The following ASIC2 variants were observed in gnomAD, a reference collection of about 807,000 sequenced individuals.
ASIC2 encodes acid-sensing ion channel 2.
A neutral mutation model predicts 57.3 loss-of-function variants in ASIC2; 25 were observed. The ratio of observed to expected loss-of-function variants is 0.44; its 90% CI spans 0.32 to 0.61. The LOEUF is 0.61. ASIC2 is among the 20% of genes least tolerant of loss of function. The pLI is 0.06. For missense variants in ASIC2, 641 were observed against 738.1 expected (o/e 0.87, Z 1.52); for synonymous variants, 319 against 307.5 (o/e 1.04, Z -0.39).
intron 1 of ASIC2, chr17:34,037,846 T>G (rs530998219): frequency 6.2e-7 from 1 of 1,614,054 alleles, no homozygotes; most frequent in East Asian, 2.2e-5. Flanking sequence ...CTTCAGTAGC[T>G]TTAAGAATCG....
chr17:33,540,185 T>C (rs927880154), intron 1 of ASIC2, among the ~76,000 whole-genome samples: 1 of 152,164 alleles, frequency 6.6e-6, no homozygotes, highest in Non-Finnish European at 1.5e-5. Flanking sequence ...CTCCAGGTGT[T>C]CCTTGGGTTG....
intron 1 of ASIC2, among the ~76,000 whole-genome samples, chr17:33,949,148 G>A (rs182022487): frequency 5.3e-5 from 8 of 152,176 alleles, no homozygotes; most frequent in African/African-American, 1.7e-4. Flanking sequence ...AAAAACAAGT[G>A]GTGGGTCAAA....
At chr17:34,023,557 G>T (rs988862863) in intron 1 of ASIC2, among the ~76,000 whole-genome samples, 6 of 152,112 alleles carry the variant, frequency 3.9e-5, no homozygotes, top group Non-Finnish European at 8.8e-5. Context: ...GTCCATGAGA[G>T]CCCCTCCCTC....
chr17:33,087,836 G>A (rs2092140807), intron 3 of ASIC2, among the ~76,000 whole-genome samples: 1 of 151,876 alleles, frequency 6.6e-6, no homozygotes, highest in Non-Finnish European at 1.5e-5. Flanking sequence ...TGGGATTACA[G>A]GCGTGAACCA....
At chr17:33,577,188 C>T in intron 1 of ASIC2, among the ~76,000 whole-genome samples, 1 of 152,152 alleles carries the variant, frequency 6.6e-6, no homozygotes, top group Non-Finnish European at 1.5e-5. Flanking sequence ...GATTTATACA[C>T]AGTATCCCAG....
chr17:33,180,932 C>T (rs1192522282), intron 1 of ASIC2, among the ~76,000 whole-genome samples: 5 of 152,124 alleles, frequency 3.3e-5, no homozygotes, highest in Non-Finnish European at 5.9e-5. Context: ...GGCAGAAGGG[C>T]CACGCGGCTG....
chr17:33,855,272 C>A (rs769376584), intron 1 of ASIC2, among the ~76,000 whole-genome samples: 4 of 152,174 alleles, frequency 2.6e-5, no homozygotes, highest in African/African-American at 9.7e-5. Context: ...GCTCTGCCCC[C>A]TCAACTGGGT....
chr17:33,879,986 A>T (rs1567744086), intron 1 of ASIC2, among the ~76,000 whole-genome samples: 1 of 152,210 alleles, frequency 6.6e-6, no homozygotes, highest in South Asian at 2.1e-4. Context: ...GAAACTGAAC[A>T]ACCTGCTCCT....
chr17:33,942,192 C>T (rs1236472637), intron 1 of ASIC2, among the ~76,000 whole-genome samples: 3 of 152,068 alleles, frequency 2.0e-5, no homozygotes, highest in Non-Finnish European at 4.4e-5. Context: ...TAAGCAATGC[C>T]TGAAAGCCCC....
At chr17:33,205,598 C>T (rs976426787) in intron 1 of ASIC2, among the ~76,000 whole-genome samples, 7 of 152,188 alleles carry the variant, frequency 4.6e-5, no homozygotes, top group Non-Finnish European at 1.0e-4. Flanking sequence ...CCTATAACAA[C>T]CTGAACATAC....
intron 1 of ASIC2, among the ~76,000 whole-genome samples, chr17:33,897,770 T>C (rs746238807): frequency 7.2e-5 from 11 of 152,314 alleles, no homozygotes; most frequent in Middle Eastern, 3.4e-3. Context: ...GTGGAGCCTA[T>C]GGGAGAGGGG....
chr17:33,265,777 C>T lies in ASIC2; in HGVS notation c.708+25631G>A, dbSNP rs192124481. On this transcript the variant is annotated intron_variant, in intron 1 of 9. Transcript: ENST00000225823. ...TCTCCCAGTCCTGGGCTTCCTTCTA[C>T]CCAGGGTATTTTTCACTAGATGGCC... is the stretch of plus-strand genomic sequence containing the variant. 2.0e-5 allele frequency among the ~76,000 whole-genome samples: 3 copies of T among 152,324 alleles called. No individual in the cohort carries two copies. In the East Asian group the frequency reaches 5.8e-4, roughly 29 times the overall value.
intron 1 of ASIC2, among the ~76,000 whole-genome samples, chr17:34,026,757 AT>A (rs1907393686): frequency 6.6e-6 from 1 of 152,180 alleles, no homozygotes; most frequent in Non-Finnish European, 1.5e-5. Context: ...CATTTTGCAG[AT>A]GAGAAAACTG....
chr17:33,733,102 CTTTAA>C (rs147880962), intron 1 of ASIC2, among the ~76,000 whole-genome samples: 2,542 of 152,210 alleles, frequency 0.017, 71 homozygotes, highest in African/African-American at 0.057. Flanking sequence ...TTTAAAAAAA[CTTTAA>C]TTTGTTTATT....
intron 1 of ASIC2, among the ~76,000 whole-genome samples, chr17:33,865,365 T>G (rs2141926917): frequency 6.6e-6 from 1 of 152,330 alleles, no homozygotes; most frequent in East Asian, 1.9e-4. Context: ...AGAAGCATCT[T>G]TTCTTTCTGT....
intron 1 of ASIC2, among the ~76,000 whole-genome samples, chr17:33,355,821 G>A (rs564960913): frequency 5.9e-5 from 9 of 152,136 alleles, no homozygotes; most frequent in Non-Finnish European, 1.3e-4. Flanking sequence ...TAGGCAATGG[G>A]GCTACAGCTG....
At chr17:33,623,110 A>G (rs545212795) in intron 1 of ASIC2, among the ~76,000 whole-genome samples, 2 of 152,250 alleles carry the variant, frequency 1.3e-5, no homozygotes, top group East Asian at 3.9e-4. Context: ...GATGAAGGCC[A>G]CCTAAGCTTA....
intron 1 of ASIC2, among the ~76,000 whole-genome samples, chr17:33,402,555 G>C (rs1318153028): frequency 4.6e-5 from 7 of 152,094 alleles, no homozygotes; most frequent in Non-Finnish European, 1.0e-4. Flanking sequence ...TTCTGTTCCT[G>C]TGTTAGTTTG....
At chr17:33,668,097 G>C (rs1306159970) in intron 1 of ASIC2, among the ~76,000 whole-genome samples, 1 of 152,060 alleles carries the variant, frequency 6.6e-6, no homozygotes, top group Admixed American at 6.5e-5. Context: ...GCATGTTTGT[G>C]AACCGCGCTG....
Sources: allele counts gnomAD v4.1 joint callset (sites outside exome capture counted in the v4.1 genomes callset), GRCh38; gene constraint gnomAD v4.1.1; transcripts MANE v1.5; gene names NCBI Gene and HGNC (gene_info 2026-07-23, HGNC 2026-07-21).